The following CCSER1 variants were observed in gnomAD, a reference collection of about 807,000 sequenced individuals.
CCSER1 encodes coiled-coil serine rich protein 1, also known as serine-rich coiled-coil domain-containing protein 1.
CCSER1 carries 41 observed loss-of-function variants against 82.0 expected under a neutral mutation model. The observed-to-expected ratio is 0.50, with a 90% confidence interval of 0.39 to 0.65. The LOEUF (loss-of-function observed/expected upper bound fraction) is 0.65, where lower values mean the gene tolerates loss of function less well. Among genes scored for constraint, CCSER1 ranks in the 30% least tolerant of loss-of-function variants. The pLI, the probability that CCSER1 is intolerant of heterozygous loss-of-function variation, is 0.00. For missense variants in CCSER1, 1,119 were observed against 1,064.2 expected (o/e 1.05, Z -0.72); for synonymous variants, 414 against 383.9 (o/e 1.08, Z -0.92).
chr4:90,429,724 G>C (rs1012852263), intron 4 of CCSER1, among the ~76,000 whole-genome samples: 2 of 151,686 alleles, frequency 1.3e-5, no homozygotes, highest in Non-Finnish European at 1.5e-5. Flanking sequence ...CAATTATTCT[G>C]ACCATAAAAA....
At chr4:91,220,120 A>G (rs1737617725) in intron 10 of CCSER1, among the ~76,000 whole-genome samples, 1 of 152,208 alleles carries the variant, frequency 6.6e-6, no homozygotes, top group Non-Finnish European at 1.5e-5. Flanking sequence ...CTGTTGAACT[A>G]TACTGGGCAT....
At chr4:91,065,987 T>A (rs1581461921) in intron 9 of CCSER1, among the ~76,000 whole-genome samples, 1 of 152,328 alleles carries the variant, frequency 6.6e-6, no homozygotes, top group African/African-American at 2.4e-5. Context: ...ACAATTACTT[T>A]ATCAAACATT....
intron 8 of CCSER1, among the ~76,000 whole-genome samples, chr4:90,831,975 A>G (rs1191943767): frequency 2.0e-5 from 3 of 152,042 alleles, no homozygotes; most frequent in Non-Finnish European, 4.4e-5. Flanking sequence ...TGTATATCAC[A>G]TATATCTTAT....
chr4:91,579,712 C>T (rs1763638689), intron 10 of CCSER1, among the ~76,000 whole-genome samples: 2 of 151,768 alleles, frequency 1.3e-5, no homozygotes, highest in African/African-American at 2.4e-5. Flanking sequence ...AATACCTTTT[C>T]TGCAATGACT....
intron 1 of CCSER1, among the ~76,000 whole-genome samples, chr4:90,296,846 A>G (rs1294891296): frequency 1.3e-5 from 2 of 151,962 alleles, no homozygotes; most frequent in African/African-American, 4.8e-5. Flanking sequence ...TGTTCCATTG[A>G]TCTATATCTG....
chr4:91,549,825 A>T (rs1320899978), intron 10 of CCSER1, among the ~76,000 whole-genome samples: 3 of 151,290 alleles, frequency 2.0e-5, no homozygotes, highest in Non-Finnish European at 3.0e-5. Context: ...ACAGAGCCAG[A>T]CCCTGTCTCA....
intron 3 of CCSER1, among the ~76,000 whole-genome samples, chr4:90,374,595 C>A (rs1024286484): frequency 1.3e-5 from 2 of 152,014 alleles, no homozygotes; most frequent in African/African-American, 4.8e-5. Flanking sequence ...CTTCCCTGTC[C>A]CATATGTGTC....
intron 10 of CCSER1, among the ~76,000 whole-genome samples, chr4:91,463,424 G>T (rs1284772316): frequency 6.6e-6 from 1 of 152,164 alleles, no homozygotes; most frequent in East Asian, 1.9e-4. Flanking sequence ...GAGCAAAAAA[G>T]CTGAAAATTC....
chr4:90,486,345 G>C (rs544150051), intron 5 of CCSER1, among the ~76,000 whole-genome samples: 68 of 152,288 alleles, frequency 4.5e-4, no homozygotes, highest in Non-Finnish European at 9.1e-4. Flanking sequence ...GACATGGACT[G>C]CTTCTCTCTT....
chr4:90,345,118 T>G (rs1742095369), intron 3 of CCSER1, among the ~76,000 whole-genome samples: 1 of 152,084 alleles, frequency 6.6e-6, no homozygotes. Context: ...CTAAATATAA[T>G]TTTACCAATG....
chr4:91,027,736 T>TTGCC, intron 9 of CCSER1, among the ~76,000 whole-genome samples: 1 of 152,214 alleles, frequency 6.6e-6, no homozygotes, highest in East Asian at 1.9e-4. Flanking sequence ...GTGAGGCATA[T>TTGCC]TGCCTTTGGA....
chr4:91,486,716 G>A (rs998916966), intron 10 of CCSER1, among the ~76,000 whole-genome samples: 3 of 152,058 alleles, frequency 2.0e-5, no homozygotes, highest in South Asian at 4.1e-4. Flanking sequence ...TTGAGAGGTC[G>A]TGGATAGATT....
At chr4:91,284,459 C>T (rs1425135283) in intron 10 of CCSER1, among the ~76,000 whole-genome samples, 2 of 152,032 alleles carry the variant, frequency 1.3e-5, no homozygotes, top group African/African-American at 2.4e-5. Context: ...TAAATATATG[C>T]ACCTCGGCAG....
At chr4:90,468,192 A>T (rs1317228233) in intron 4 of CCSER1, 42 bp from the exon 5 acceptor site, 2 of 1,552,496 alleles carry the variant, frequency 1.3e-6, no homozygotes, top group Non-Finnish European at 1.7e-6. Flanking sequence ...ACTAGTTCAT[A>T]AATAATTTTG....
chr4:90,200,431 T>C (rs1737467003), intron 1 of CCSER1, among the ~76,000 whole-genome samples: 1 of 152,038 alleles, frequency 6.6e-6, no homozygotes, highest in Admixed American at 6.6e-5. Flanking sequence ...TATTTTTCCT[T>C]ATTTAGAGGA....
intron 10 of CCSER1, among the ~76,000 whole-genome samples, chr4:91,152,935 C>A (rs1271054152): frequency 6.6e-6 from 1 of 151,932 alleles, no homozygotes; most frequent in Non-Finnish European, 1.5e-5. Flanking sequence ...TCTCTCATTG[C>A]CCTCAACATT....
At chr4:90,756,868 T>C (rs1749613800) in intron 7 of CCSER1, among the ~76,000 whole-genome samples, 1 of 152,176 alleles carries the variant, frequency 6.6e-6, no homozygotes, top group African/African-American at 2.4e-5. Flanking sequence ...TTCTTGAAAG[T>C]ATAGCAGAAT....
chr4:91,547,662 G>T (rs185138890), intron 10 of CCSER1, among the ~76,000 whole-genome samples: 1 of 152,040 alleles, frequency 6.6e-6, no homozygotes, highest in South Asian at 2.1e-4. Flanking sequence ...ATATTTCTAC[G>T]ATTGAATTTT....
chr4:91,165,750 T>A (rs538540859), intron 10 of CCSER1, among the ~76,000 whole-genome samples: 9 of 152,370 alleles, frequency 5.9e-5, no homozygotes, highest in Middle Eastern at 3.4e-3. Flanking sequence ...GCGTGGGATA[T>A]AATCTCCTGG....
Sources: gnomAD v4.1 joint callset for allele counts (sites outside exome capture counted in the v4.1 genomes callset) on GRCh38, gnomAD v4.1.1 for gene constraint, MANE v1.5 for transcripts, NCBI Gene and HGNC (gene_info 2026-07-23, HGNC 2026-07-21) for gene names.